LY6S: variants seen among roughly 807,000 people sequenced by gnomAD.
LY6S encodes lymphocyte antigen 6 family member S.
the LY6S span, among the ~76,000 whole-genome samples, chr8:143,049,895 C>T: frequency 2.0e-5 from 3 of 151,244 alleles, no homozygotes; most frequent in Non-Finnish European, 4.4e-5. Context: ...TATAAATAAT[C>T]TAATCCAATG....
chr8:143,049,499 G>T, the LY6S span, among the ~76,000 whole-genome samples: 1 of 152,146 alleles, frequency 6.6e-6, no homozygotes, highest in Non-Finnish European at 1.5e-5. Context: ...CCGGCTTTAT[G>T]CAGCACCTGC....
chr8:143,041,685 C>T, the LY6S span, among the ~76,000 whole-genome samples: 2 of 152,162 alleles, frequency 1.3e-5, no homozygotes, highest in African/African-American at 4.8e-5. Flanking sequence ...TCAGAGATTG[C>T]AGTAAAGACA....
At chr8:143,044,078 T>G in the LY6S span, 1 of 454,092 alleles carries the variant, frequency 2.2e-6, no homozygotes, top group Non-Finnish European at 4.4e-6. Flanking sequence ...GCTGAGGGCC[T>G]GGGCAGGCTG....
chr8:143,049,596 C>T, the LY6S span, among the ~76,000 whole-genome samples: 1 of 152,250 alleles, frequency 6.6e-6, no homozygotes, highest in Non-Finnish European at 1.5e-5. Flanking sequence ...GGCCCCATGG[C>T]CCAACTCCAA....
At chr8:143,049,501 A>G in the LY6S span, among the ~76,000 whole-genome samples, 1 of 152,186 alleles carries the variant, frequency 6.6e-6, no homozygotes, top group Non-Finnish European at 1.5e-5. Context: ...GGCTTTATGC[A>G]GCACCTGCAG....
the LY6S span, chr8:143,042,987 C>T: frequency 1.5e-6 from 2 of 1,366,764 alleles, no homozygotes; most frequent in South Asian, 1.1e-5. Context: ...CTGGCCACAT[C>T]CTTCCCCTGA....
the LY6S span, among the ~76,000 whole-genome samples, chr8:143,048,138 C>T: frequency 1.3e-5 from 2 of 152,202 alleles, no homozygotes; most frequent in African/African-American, 4.8e-5. Flanking sequence ...CAGCGGGTAC[C>T]GTGGCAGTGC....
At chr8:143,051,683 G>A in the LY6S span, among the ~76,000 whole-genome samples, 1 of 152,120 alleles carries the variant, frequency 6.6e-6, no homozygotes, top group Non-Finnish European at 1.5e-5. Flanking sequence ...AAGTTTACAT[G>A]ATTCCCAGCT....
At chr8:143,050,161 A>C in the LY6S span, among the ~76,000 whole-genome samples, 1 of 148,638 alleles carries the variant, frequency 6.7e-6, no homozygotes, top group African/African-American at 2.5e-5. Flanking sequence ...CTAGTAGAAG[A>C]AGCCCAAAAC....
chr8:143,049,344 G>A, the LY6S span: 10 of 525,494 alleles, frequency 1.9e-5, no homozygotes, highest in African/African-American at 1.9e-4. Flanking sequence ...TGTTTGTCCT[G>A]GGTACAAGTT....
chr8:143,057,256 A>AT, the LY6S span: 5,158 of 173,912 alleles, frequency 0.03, 237 homozygotes, highest in African/African-American at 0.11. Context: ...TATTATTTTT[A>AT]TTTTTTTTTT....
the LY6S span, among the ~76,000 whole-genome samples, chr8:143,068,990 T>C: frequency 6.6e-6 from 1 of 152,072 alleles, no homozygotes; most frequent in East Asian, 1.9e-4. Flanking sequence ...AGTTGACCCA[T>C]GGTGGTTCTG....
the LY6S span, among the ~76,000 whole-genome samples, chr8:143,060,507 C>G: frequency 2.6e-5 from 4 of 152,240 alleles, no homozygotes; most frequent in African/African-American, 9.6e-5. Flanking sequence ...TGTCCCCTCT[C>G]TCTCTCCGCC....
the LY6S span, among the ~76,000 whole-genome samples, chr8:143,069,856 C>T: frequency 3.3e-5 from 5 of 152,196 alleles, no homozygotes; most frequent in South Asian, 4.1e-4. Flanking sequence ...CAGTAAAGAG[C>T]CCTTTCCTGA....
chr8:143,050,964 C>T, the LY6S span, among the ~76,000 whole-genome samples: 21 of 152,316 alleles, frequency 1.4e-4, no homozygotes, highest in South Asian at 1.7e-3. Context: ...ACTCCAAGGG[C>T]GCCTCCCTTG....
At chr8:143,069,924 C>A in the LY6S span, among the ~76,000 whole-genome samples, 3 of 152,144 alleles carry the variant, frequency 2.0e-5, no homozygotes, top group Admixed American at 1.3e-4. Flanking sequence ...CCGCACCCAG[C>A]GTCGTGGGAA....
chr8:143,050,176 C>CTTTTTT, the LY6S span, among the ~76,000 whole-genome samples: 2 of 114,868 alleles, frequency 1.7e-5, no homozygotes, highest in African/African-American at 3.2e-5. Context: ...CAAAACCTGA[C>CTTTTTT]TTTTTTTTTT....
At chr8:143,070,487 A>T in the LY6S span, among the ~76,000 whole-genome samples, 336 of 83,596 alleles carry the variant, frequency 4.0e-3, 14 homozygotes, top group African/African-American at 0.022. Context: ...ATATATATAT[A>T]TATTTTTTTT....
chr8:143,056,990 A>G, the LY6S span: 2 of 232,738 alleles, frequency 8.6e-6, no homozygotes, highest in Admixed American at 8.2e-5. Flanking sequence ...AAGTCTTAGG[A>G]AAAGTGCTTC....
Sources: allele counts gnomAD v4.1 joint callset (sites outside exome capture counted in the v4.1 genomes callset), GRCh38; gene constraint gnomAD v4.1.1; transcripts MANE v1.5; gene names NCBI Gene and HGNC (gene_info 2026-07-23, HGNC 2026-07-21).